The following PPP4R1 variants were observed in gnomAD, a reference collection of about 807,000 sequenced individuals.
PPP4R1 encodes protein phosphatase 4 regulatory subunit 1.
PPP4R1 carries 42 observed loss-of-function variants against 111.2 expected under a neutral mutation model. The ratio of observed to expected loss-of-function variants is 0.38; its 90% CI spans 0.29 to 0.49. PPP4R1 has a LOEUF of 0.49. PPP4R1 is among the 20% of genes least tolerant of loss of function. PPP4R1 has a pLI of 0.97. For missense variants in PPP4R1, 1,012 were observed against 1,161.6 expected (o/e 0.87, Z 1.87); for synonymous variants, 409 against 405.5 (o/e 1.01, Z -0.10).
chr18:9,554,629 A>C (rs1377468124), intron 15 of PPP4R1, among the ~76,000 whole-genome samples: 1 of 152,112 alleles, frequency 6.6e-6, no homozygotes, highest in Non-Finnish European at 1.5e-5. Flanking sequence ...ATCTCCTGAA[A>C]AGACCTAAAA....
At chr18:9,548,217 T>C (rs192838141) in intron 19 of PPP4R1, among the ~76,000 whole-genome samples, 1 of 147,440 alleles carries the variant, frequency 6.8e-6, no homozygotes, top group Admixed American at 6.9e-5. Flanking sequence ...AATAAATAGA[T>C]GAAAACATCA....
intron 2 of PPP4R1, among the ~76,000 whole-genome samples, chr18:9,606,372 T>C (rs1456975549): frequency 3.3e-5 from 5 of 152,230 alleles, no homozygotes; most frequent in Non-Finnish European, 7.3e-5. Flanking sequence ...TGGCTGCTTT[T>C]ACCTTACAAC....
chr18:9,598,386 T>C (rs760191339), intron 2 of PPP4R1, among the ~76,000 whole-genome samples: 4 of 152,122 alleles, frequency 2.6e-5, no homozygotes, highest in Non-Finnish European at 5.9e-5. Flanking sequence ...TATAATCAAA[T>C]TGCTTAAAGC....
intron 2 of PPP4R1, among the ~76,000 whole-genome samples, chr18:9,603,907 TAAAG>T (rs969680589): frequency 2.5e-4 from 38 of 152,180 alleles, no homozygotes; most frequent in African/African-American, 7.9e-4. Flanking sequence ...TGAAAAGAGA[TAAAG>T]AAAAAAATGC....
At chr18:9,602,934 T>C (rs2067415997) in intron 2 of PPP4R1, among the ~76,000 whole-genome samples, 1 of 152,224 alleles carries the variant, frequency 6.6e-6, no homozygotes, top group African/African-American at 2.4e-5. Context: ...ATTTTGTCAC[T>C]TATTATATTC....
chr18:9,547,640 T>A lies in PPP4R1; in HGVS notation c.*149A>T. On this transcript the variant is annotated 3_prime_UTR_variant, in exon 20 of 20. Transcript: ENST00000400556. Reference sequence around the variant, plus strand: ...CTCTTGACTCTTGAAATCCCTGGTATTGGGTGTAGGCAACTTGCACCTGCA... The same window carrying A: ...CTCTTGACTCTTGAAATCCCTGGTAATGGGTGTAGGCAACTTGCACCTGCA... The A allele has an allele frequency of 1.2e-6, 1 of 821,772 alleles. No homozygotes were observed. The highest frequency in any genetic ancestry group is 1.7e-5 in the South Asian group (1 of 58,646). The allele number at this position is 821,772 out of a possible 1,614,324, so 50.9% of individuals were successfully genotyped here. A position where few individuals can be genotyped will look rare whatever the true frequency, so the allele number is the denominator to read the frequency against.
chr18:9,588,931 G>C, intron 4 of PPP4R1, 78 bp from the exon 5 acceptor site: 1 of 1,507,068 alleles, frequency 6.6e-7, no homozygotes, highest in Admixed American at 2.2e-5. Flanking sequence ...AGGGTACTTA[G>C]GAAGGCTATG....
At chr18:9,588,878 C>CAAACATGTTCTCCTGCAGCAACAAA in intron 4 of PPP4R1, 25 bp from the exon 5 acceptor site, 1 of 1,607,326 alleles carries the variant, frequency 6.2e-7, no homozygotes, top group Non-Finnish European at 8.5e-7. Context: ...GCAATGTGAG[C>CAAACATGTTCTCCTGCAGCAACAAA]AAACATGTTC....
intron 13 of PPP4R1, among the ~76,000 whole-genome samples, chr18:9,560,297 C>T (rs2066652476): frequency 6.6e-6 from 1 of 151,908 alleles, no homozygotes; most frequent in African/African-American, 2.4e-5. Context: ...AAAATAAAAA[C>T]TTGTCTTCTT....
At chr18:9,561,687 T>G (rs1034779687) in intron 13 of PPP4R1, among the ~76,000 whole-genome samples, 2 of 152,156 alleles carry the variant, frequency 1.3e-5, no homozygotes, top group Non-Finnish European at 2.9e-5. Context: ...TCTTCAATGA[T>G]AAAAAGAGGC....
rs199670789 is a variant in PPP4R1, at chr18:9,570,638, C to T, written c.1092G>A (p.Glu364=). Residue 364 remains glutamate (E), a synonymous_variant, in exon 11 of 20, where the codon GAG becomes GAA. Transcript: ENST00000400556. ...EAPEDVQVRP[E]DTPSDLSVSN... is the part of the protein sequence containing the mutation. ...TAACACTGAGATCTGAAGGAGTATC[C>T]TCTGGCCTGACTTGTACATCCTCTG... The T allele has an allele frequency of 2.7e-5, 43 of 1,609,894 alleles. No homozygotes were observed. The East Asian group carries it at 9.1e-4, about 34-fold the overall frequency.
chr18:9,605,870 G>A (rs2067473624), intron 2 of PPP4R1, among the ~76,000 whole-genome samples: 1 of 152,094 alleles, frequency 6.6e-6, no homozygotes, highest in Admixed American at 6.6e-5. Context: ...GGAGACACAG[G>A]CTAAAGGTCC....
At position 9,593,835 on chromosome 18, in the gene PPP4R1, T is replaced by A; in HGVS notation, c.228A>T (p.Glu76Asp). 6.2e-7 allele frequency: 1 copy of A among 1,613,882 alleles called. No homozygotes were observed. Among genetic ancestry groups the A allele is most frequent in the Non-Finnish European group, 8.5e-7 (1 of 1,179,910 alleles). Residue 76 changes from glutamate to aspartate, a missense_variant, in exon 4 of 20, where the codon GAA becomes GAT. Around this residue, in one of 2 missense-constraint regions of PPP4R1, gnomAD observed 707 missense variants for 742.1 expected, o/e 0.95. Coordinates refer to ENST00000400556, the MANE Select transcript of PPP4R1 (RefSeq NM_001042388.3). Reference sequence around the variant, plus strand: ...TACAATCTCTTTCATCATCGCAGACTTCCCTCAAGGTATCGAGCAAACTCC... The same window carrying A: ...TACAATCTCTTTCATCATCGCAGACATCCCTCAAGGTATCGAGCAAACTCC... ...VARSLLDTLR[E>D]VCDDERDCIA...
chr18:9,563,291 A>G, intron 12 of PPP4R1, 87 bp downstream of exon 12: 1 of 1,409,600 alleles, frequency 7.1e-7, no homozygotes, highest in East Asian at 2.4e-5. Flanking sequence ...CATACAAACT[A>G]AAAGTGATTA....
chr18:9,588,581 A>G (rs2067159432), intron 5 of PPP4R1, 130 bp downstream of exon 5: 7 of 1,043,618 alleles, frequency 6.7e-6, no homozygotes, highest in Non-Finnish European at 9.4e-6. Flanking sequence ...CTCTAAACAC[A>G]TCTTGTCTAA....
intron 2 of PPP4R1, among the ~76,000 whole-genome samples, chr18:9,609,124 CAT>C (rs2067534776): frequency 1.3e-5 from 2 of 152,152 alleles, no homozygotes; most frequent in African/African-American, 4.8e-5. Flanking sequence ...ATCCAACACA[CAT>C]GTGGGTACCA....
chr18:9,584,254 A>G (rs1463253244), intron 8 of PPP4R1, among the ~76,000 whole-genome samples: 1 of 152,230 alleles, frequency 6.6e-6, no homozygotes, highest in African/African-American at 2.4e-5. Context: ...TGAATAAGTA[A>G]GAATTGATTT....
Position 9,578,176 on chromosome 18 carries a change from A to G in PPP4R1, c.919-985T>C, listed in dbSNP as rs184750446. On this transcript the variant is annotated intron_variant, in intron 9 of 19. Coordinates refer to ENST00000400556, the MANE Select transcript of PPP4R1 (RefSeq NM_001042388.3). ...ACACAATCGGACAAAGGCAACAACA[A>G]TGGGAAACTGGTATGTTACTAAAAC... Among the ~76,000 whole-genome samples, 104 of 152,364 alleles carry G rather than the reference A, an allele frequency of 6.8e-4. 1 individual carries two copies. In the Middle Eastern group the frequency reaches 0.014, roughly 20 times the overall value.
At chr18:9,558,699 G>GTTT (rs1555666878) in intron 14 of PPP4R1, among the ~76,000 whole-genome samples, 1 of 148,100 alleles carries the variant, frequency 6.8e-6, no homozygotes. Flanking sequence ...TAATCAGACT[G>GTTT]TTTTTTTTTT....
Sources: allele counts gnomAD v4.1 joint callset (sites outside exome capture counted in the v4.1 genomes callset), GRCh38; gene constraint gnomAD v4.1.1; regional missense constraint gnomAD v4.1.1; transcripts MANE v1.5; gene names NCBI Gene and HGNC (gene_info 2026-07-23, HGNC 2026-07-21).